The following EEIG2 variants were observed in gnomAD, a reference collection of about 807,000 sequenced individuals.
The protein encoded by EEIG2 is family with sequence similarity 102 member B.
At chr1:108,601,491 A>G in the EEIG2 span, among the ~76,000 whole-genome samples, 2 of 151,088 alleles carry the variant, frequency 1.3e-5, no homozygotes, top group African/African-American at 4.8e-5. Context: ...TATACTAAAT[A>G]ATATTTTAAG....
At chr1:108,610,431 G>A in the EEIG2 span, among the ~76,000 whole-genome samples, 4,241 of 152,274 alleles carry the variant, frequency 0.028, 94 homozygotes, top group Middle Eastern at 0.078. Flanking sequence ...TTAATTTTCC[G>A]ATTGAAATAG....
At chr1:108,595,420 A>G in the EEIG2 span, among the ~76,000 whole-genome samples, 35 of 122,294 alleles carry the variant, frequency 2.9e-4, no homozygotes, top group East Asian at 6.8e-3. Context: ...TTACAGAGGG[A>G]GAGAGGAGGA....
chr1:108,618,836 C>CAAA, the EEIG2 span, among the ~76,000 whole-genome samples: 2 of 141,394 alleles, frequency 1.4e-5, no homozygotes, highest in Non-Finnish European at 1.5e-5. Flanking sequence ...GCCCCTGTCT[C>CAAA]AAAAAAAAAA....
chr1:108,585,741 T>C, the EEIG2 span, among the ~76,000 whole-genome samples: 1 of 152,102 alleles, frequency 6.6e-6, no homozygotes, highest in Non-Finnish European at 1.5e-5. Flanking sequence ...TATTGTAATA[T>C]CATTAGTGTA....
At chr1:108,622,025 C>T in the EEIG2 span, among the ~76,000 whole-genome samples, 3 of 152,062 alleles carry the variant, frequency 2.0e-5, no homozygotes, top group Non-Finnish European at 2.9e-5. Flanking sequence ...GGCATGGTGA[C>T]GGGCACCTGT....
chr1:108,634,974 G>GAA, the EEIG2 span: 1 of 732,616 alleles, frequency 1.4e-6, no homozygotes, highest in Non-Finnish European at 2.3e-6. Context: ...TATCCGTGAT[G>GAA]CCTTTAAACG....
chr1:108,566,578 C>A, the EEIG2 span, among the ~76,000 whole-genome samples: 1 of 152,032 alleles, frequency 6.6e-6, no homozygotes. Context: ...ATTCTGTACT[C>A]TTATTGTCTT....
At chr1:108,614,240 C>T in the EEIG2 span, among the ~76,000 whole-genome samples, 1 of 150,682 alleles carries the variant, frequency 6.6e-6, no homozygotes. Flanking sequence ...ACTCCTGGCT[C>T]CTCTGTCCCT....
the EEIG2 span, among the ~76,000 whole-genome samples, chr1:108,589,554 T>C: frequency 1.4e-4 from 22 of 152,106 alleles, no homozygotes; most frequent in Non-Finnish European, 5.9e-5. Flanking sequence ...ATTCTTTCTT[T>C]AAAGGTTTTC....
chr1:108,582,166 G>A, the EEIG2 span, among the ~76,000 whole-genome samples: 1 of 152,120 alleles, frequency 6.6e-6, no homozygotes, highest in African/African-American at 2.4e-5. Flanking sequence ...TAGACATAAT[G>A]CTGTTATACA....
the EEIG2 span, chr1:108,637,101 C>CT: frequency 5.3e-5 from 8 of 152,098 alleles, no homozygotes; most frequent in Non-Finnish European, 1.2e-4. Context: ...GGTCCGACAC[C>CT]TCTCTATACA....
the EEIG2 span, among the ~76,000 whole-genome samples, chr1:108,610,873 G>A: frequency 6.6e-6 from 1 of 152,120 alleles, no homozygotes; most frequent in South Asian, 2.1e-4. Flanking sequence ...GGCAGAGCTT[G>A]CAGTGAGCCA....
At chr1:108,580,990 T>G in the EEIG2 span, among the ~76,000 whole-genome samples, 12 of 152,326 alleles carry the variant, frequency 7.9e-5, no homozygotes, top group East Asian at 1.7e-3. Flanking sequence ...GCTTCAGAAC[T>G]TCAAATGACA....
At chr1:108,610,304 G>A in the EEIG2 span, among the ~76,000 whole-genome samples, 1 of 152,180 alleles carries the variant, frequency 6.6e-6, no homozygotes, top group Admixed American at 6.5e-5. Context: ...GAGGAGAGTG[G>A]TTGGCCTCAG....
At chr1:108,631,093 A>G in the EEIG2 span, 2 of 379,362 alleles carry the variant, frequency 5.3e-6, no homozygotes, top group South Asian at 3.8e-5. Flanking sequence ...AAAAGGATTT[A>G]CAGAAGATGT....
chr1:108,603,661 A>G, the EEIG2 span, among the ~76,000 whole-genome samples: 2 of 152,346 alleles, frequency 1.3e-5, no homozygotes, highest in Non-Finnish European at 2.9e-5. Flanking sequence ...GAAAAATATG[A>G]TAAGAAGAGA....
the EEIG2 span, among the ~76,000 whole-genome samples, chr1:108,593,050 C>T: frequency 6.6e-6 from 1 of 152,158 alleles, no homozygotes; most frequent in South Asian, 2.1e-4. Context: ...CCTAGCTACT[C>T]GGGAGGCTGA....
chr1:108,583,605 C>T, the EEIG2 span, among the ~76,000 whole-genome samples: 2 of 152,000 alleles, frequency 1.3e-5, no homozygotes, highest in Non-Finnish European at 2.9e-5. Flanking sequence ...TTGTTTCCTA[C>T]GTATTCCCTT....
At chr1:108,616,124 C>T in the EEIG2 span, among the ~76,000 whole-genome samples, 3 of 129,796 alleles carry the variant, frequency 2.3e-5, no homozygotes, top group Non-Finnish European at 4.9e-5. Flanking sequence ...CCCACTTCTT[C>T]TTTTTTTTTT....
Sources: gnomAD v4.1 joint callset for allele counts (sites outside exome capture counted in the v4.1 genomes callset) on GRCh38, gnomAD v4.1.1 for gene constraint, MANE v1.5 for transcripts, NCBI Gene and HGNC (gene_info 2026-07-23, HGNC 2026-07-21) for gene names.